DNAH17: variants seen among roughly 807,000 people sequenced by gnomAD.
The protein encoded by DNAH17 is axonemal beta dynein heavy chain 17.
Under a neutral mutation model 485.6 loss-of-function variants are expected in DNAH17, and 376 were observed. That is an observed-to-expected ratio of 0.77 (90% CI 0.71 to 0.84). DNAH17 has a LOEUF of 0.84. Among genes scored for constraint, DNAH17 ranks in the 40% least tolerant of loss-of-function variants. The pLI, the probability that DNAH17 is intolerant of heterozygous loss-of-function variation, is 0.00. For missense variants in DNAH17, 6,370 were observed against 5,839.3 expected (o/e 1.09, Z -2.96); for synonymous variants, 3,031 against 2,405.9 (o/e 1.26, Z -7.60).
intron 71 of DNAH17, among the ~76,000 whole-genome samples, chr17:78,442,610 T>A (rs2087116716): frequency 6.6e-6 from 1 of 152,212 alleles, no homozygotes; most frequent in African/African-American, 2.4e-5. Context: ...GTGGATGAAT[T>A]AATGATGCAG....
intron 72 of DNAH17, among the ~76,000 whole-genome samples, chr17:78,440,667 C>T (rs900432402): frequency 6.6e-6 from 1 of 152,128 alleles, no homozygotes; most frequent in Non-Finnish European, 1.5e-5. Flanking sequence ...GTTGTTTCTG[C>T]CTTTTGGCTA....
At chr17:78,495,137 C>T (rs776443694) in intron 38 of DNAH17, 40 bp from the exon 39 acceptor site, 2 of 1,546,206 alleles carry the variant, frequency 1.3e-6, no homozygotes, top group South Asian at 1.2e-5. Flanking sequence ...CTGCCCACTC[C>T]CTCCCCAACC....
chr17:78,430,537 C>A (rs1164139580), intron 75 of DNAH17, among the ~76,000 whole-genome samples: 3 of 152,156 alleles, frequency 2.0e-5, no homozygotes, highest in Non-Finnish European at 4.4e-5. Context: ...ATGAATCAAT[C>A]ATCTGATTTG....
At chr17:78,544,463 G>C (rs1186255323) in intron 16 of DNAH17, among the ~76,000 whole-genome samples, 1 of 152,142 alleles carries the variant, frequency 6.6e-6, no homozygotes, top group African/African-American at 2.4e-5. Context: ...TAGAGAGTAG[G>C]GTCAGGACCC....
chr17:78,439,225 AAAG>A lies in DNAH17; in HGVS notation c.11678-11_11678-9del. On this transcript the variant is annotated splice_polypyrimidine_tract_variant and intron_variant, in intron 72 of 80. Transcript: ENST00000389840. ...TAAACCCTAGTTTTTTTCCTAAAGA[AAAG>A]AAAAACAGGAAAAAAACACCACGTA... 6.3e-7 allele frequency: 1 copy of A among 1,597,692 alleles called. No individual in the cohort carries two copies. Among genetic ancestry groups the A allele is most frequent in the Non-Finnish European group, 8.5e-7 (1 of 1,172,450 alleles).
chr17:78,553,439 C>T (rs1480156748), intron 14 of DNAH17, among the ~76,000 whole-genome samples: 1 of 151,720 alleles, frequency 6.6e-6, no homozygotes, highest in African/African-American at 2.4e-5. Context: ...GTAGCTGGGA[C>T]TATAGGCATG....
chr17:78,453,036 G>A (rs1238117169), intron 65 of DNAH17, among the ~76,000 whole-genome samples: 2 of 152,198 alleles, frequency 1.3e-5, no homozygotes, highest in African/African-American at 4.8e-5. Context: ...TAAAGGTAAT[G>A]CAGTCCCAAG....
chr17:78,461,407 G>A (rs774048165), intron 58 of DNAH17, 137 bp downstream of exon 58: 31 of 978,724 alleles, frequency 3.2e-5, no homozygotes, highest in Non-Finnish European at 4.2e-5. Flanking sequence ...GGTCCCACTG[G>A]TTTAGGAACC....
At chr17:78,530,309 C>T (rs777079061) in intron 21 of DNAH17, 34 bp downstream of exon 21, 1 of 1,574,992 alleles carries the variant, frequency 6.3e-7, no homozygotes, top group Non-Finnish European at 8.7e-7. Flanking sequence ...CTGCACATTC[C>T]TTGGGCTCCC....
intron 16 of DNAH17, among the ~76,000 whole-genome samples, chr17:78,546,676 C>G (rs891095351): frequency 6.6e-6 from 1 of 152,204 alleles, no homozygotes; most frequent in Non-Finnish European, 1.5e-5. Context: ...CAGGCCAAGG[C>G]TGATGGATCA....
chr17:78,540,891 A>G (rs1406355328), intron 17 of DNAH17, among the ~76,000 whole-genome samples: 1 of 2 alleles, frequency 0.5, no homozygotes, highest in Non-Finnish European at 0.5. Flanking sequence ...GGGTGGATGG[A>G]TGGGTGGGTG....
intron 36 of DNAH17, 166 bp from the exon 37 acceptor site, chr17:78,499,278 GC>G (rs1315772502): frequency 1.6e-5 from 8 of 508,068 alleles, no homozygotes; most frequent in Non-Finnish European, 2.4e-5. Context: ...TCAGCTTACT[GC>G]CCAGGGTAAC....
intron 6 of DNAH17, among the ~76,000 whole-genome samples, chr17:78,570,683 C>G (rs370959376): frequency 1.3e-5 from 2 of 151,730 alleles, no homozygotes; most frequent in East Asian, 1.9e-4. Context: ...CATAATGAAA[C>G]CCCATCTCTA....
chr17:78,438,448 A>AGGAGGAGGGG (rs2086936984), intron 73 of DNAH17, among the ~76,000 whole-genome samples: 1 of 84,360 alleles, frequency 1.2e-5, no homozygotes, highest in Non-Finnish European at 2.4e-5. Context: ...AGGAGGAGGG[A>AGGAGGAGGGG]GGAGGGAGGA....
chr17:78,525,220 A>T, intron 24 of DNAH17, 59 bp from the exon 25 acceptor site: 1 of 1,572,794 alleles, frequency 6.4e-7, no homozygotes, highest in Non-Finnish European at 8.6e-7. Context: ...GCCCCACCCC[A>T]CTCCCCGACG....
At chr17:78,521,361 G>T (rs75029220) in intron 25 of DNAH17, among the ~76,000 whole-genome samples, 1 of 151,900 alleles carries the variant, frequency 6.6e-6, no homozygotes, top group East Asian at 1.9e-4. Flanking sequence ...AGCCAAGATC[G>T]CACCACAGCA....
At chr17:78,475,921 G>GT in intron 52 of DNAH17, 88 bp from the exon 53 acceptor site, 1 of 1,465,346 alleles carries the variant, frequency 6.8e-7, no homozygotes, top group Non-Finnish European at 9.1e-7. Context: ...CTTTGCCAAG[G>GT]TGGCCTAGGA....
intron 58 of DNAH17, 138 bp from the exon 59 acceptor site, chr17:78,460,395 CAT>C: frequency 1.5e-6 from 1 of 660,554 alleles, no homozygotes; most frequent in Non-Finnish European, 2.5e-6. Flanking sequence ...CATATATGTG[CAT>C]GAGTGTATGT....
chr17:78,460,333 T>TGCATGTGTGC, intron 58 of DNAH17, 76 bp from the exon 59 acceptor site: 2 of 866,320 alleles, frequency 2.3e-6, no homozygotes, highest in Non-Finnish European at 3.6e-6. Flanking sequence ...TGCATGTGTG[T>TGCATGTGTGC]GCATGTGTGT....
Sources: allele counts gnomAD v4.1 joint callset (sites outside exome capture counted in the v4.1 genomes callset), GRCh38; gene constraint gnomAD v4.1.1; transcripts MANE v1.5; gene names NCBI Gene and HGNC (gene_info 2026-07-23, HGNC 2026-07-21).